Variants in CUBN observed in about 807,000 individuals in gnomAD.
The protein encoded by CUBN is cubilin.
A neutral mutation model predicts 405.3 loss-of-function variants in CUBN; 282 were observed. The observed-to-expected ratio is 0.70, with a 90% CI of 0.63 to 0.77. CUBN has a LOEUF of 0.77. Among genes scored for constraint, CUBN ranks in the 30% least tolerant of loss-of-function variants. The pLI, the probability that CUBN is intolerant of heterozygous loss-of-function variation, is 0.00. For synonymous variants in CUBN, 1,684 were observed against 1,617.0 expected (o/e 1.04, Z -0.99); for missense variants, 4,514 against 4,475.2 (o/e 1.01, Z -0.25).
intron 14 of CUBN, among the ~76,000 whole-genome samples, chr10:17,092,125 G>A (rs1181016185): frequency 1.3e-5 from 2 of 152,156 alleles, no homozygotes; most frequent in African/African-American, 4.8e-5. Flanking sequence ...GAAACAGACT[G>A]TAGCACCAAC....
intron 43 of CUBN, among the ~76,000 whole-genome samples, chr10:16,924,118 G>T (rs1842116171): frequency 6.6e-6 from 1 of 152,062 alleles, no homozygotes; most frequent in Non-Finnish European, 1.5e-5. Flanking sequence ...CAAAAGAGTA[G>T]AGTTATGTAG....
At position 16,900,803 on chromosome 10, in the gene CUBN, C is replaced by T; in HGVS notation, c.8232G>A (p.Trp2744Ter). 6.2e-7 allele frequency: 1 copy of T among 1,613,980 alleles called. No homozygotes were observed. Among genetic ancestry groups the T allele is most frequent in the Non-Finnish European group, 8.5e-7 (1 of 1,179,988 alleles). The part of the protein sequence containing the change: ...FDIEPHTTCA[W>*]DSVTVRNGGS... ...CACCATTCCTGACAGTGACAGAGTC[C>T]CAAGCACAAGTTGTATGGGGTTCAA... The change falls in exon 53 of 67, where the codon TGG becomes TGA. Residue 2744 changes from tryptophan to a stop codon, truncating the protein, a stop_gained. Coordinates refer to ENST00000377833, the MANE Select transcript of CUBN (RefSeq NM_001081.4). LOFTEE classifies it high-confidence loss of function.
At chr10:17,075,085 T>C (rs1230049320) in intron 17 of CUBN, among the ~76,000 whole-genome samples, 1 of 135,056 alleles carries the variant, frequency 7.4e-6, no homozygotes, top group Non-Finnish European at 1.6e-5. Flanking sequence ...TTTTTTTTTT[T>C]TTTTTTTTTT....
At chr10:16,990,275 T>C (rs184488773) in intron 29 of CUBN, 59 bp downstream of exon 29, 1,078 of 1,497,782 alleles carry the variant, frequency 7.2e-4, no homozygotes, top group Non-Finnish European at 9.3e-4. Flanking sequence ...CTTGGCAGAG[T>C]GATTTCCTGT....
At chr10:16,832,411 T>C (rs2131305730) in intron 64 of CUBN, among the ~76,000 whole-genome samples, 1 of 152,214 alleles carries the variant, frequency 6.6e-6, no homozygotes, top group South Asian at 2.1e-4. Flanking sequence ...GTGAGATTCC[T>C]TTTAGGTCGA....
At chr10:16,934,851 T>C (rs1842456266) in intron 39 of CUBN, among the ~76,000 whole-genome samples, 1 of 152,142 alleles carries the variant, frequency 6.6e-6, no homozygotes, top group Non-Finnish European at 1.5e-5. Flanking sequence ...AAGTGATGGA[T>C]GATGAGAGGC....
At chr10:17,122,593 G>T in intron 6 of CUBN, 1 of 627,460 alleles carries the variant, frequency 1.6e-6, no homozygotes, top group Non-Finnish European at 3.0e-6. Context: ...TTTCTTCACG[G>T]GGTGAGAGTA....
At chr10:16,891,871 A>C (rs1841019437) in intron 54 of CUBN, among the ~76,000 whole-genome samples, 1 of 152,148 alleles carries the variant, frequency 6.6e-6, no homozygotes, top group Non-Finnish European at 1.5e-5. Flanking sequence ...GGTAGGGGCC[A>C]GGACTATTGC....
chr10:16,853,613 C>T (rs1839782705), intron 59 of CUBN, among the ~76,000 whole-genome samples: 1 of 152,200 alleles, frequency 6.6e-6, no homozygotes, highest in Non-Finnish European at 1.5e-5. Context: ...TCAGACATTT[C>T]CCAAAGTTGA....
In CUBN at chr10:16,841,045, T is replaced by A. The variant is rs372599172; in HGVS notation, c.9666A>T (p.Leu3222Phe). ...RQRCLYDYVK[L>F]YDGDSENANL... ...TCGCATTTTCACTATCCCCATCATA[T>A]AACTGAGAAGAAAAACAATTCATTA... Residue 3222 changes from leucine (L) to phenylalanine (F), a missense_variant and splice_region_variant, in exon 61 of 67, where the codon TTA becomes TTT. Leu to Phe is a conservative substitution (Grantham distance 22). Around this residue, in one of 5 missense-constraint regions of CUBN, gnomAD observed 1,186 missense variants for 1,186.9 expected, o/e 1.00. Coordinates refer to ENST00000377833, the MANE Select transcript of CUBN (RefSeq NM_001081.4). 6.2e-7 allele frequency: 1 copy of A among 1,613,946 alleles called. No individual in the cohort carries two copies. The highest frequency in any genetic ancestry group is 1.1e-5 in the South Asian group (1 of 91,064).
intron 58 of CUBN, among the ~76,000 whole-genome samples, chr10:16,871,019 GTTC>G (rs1413339890): frequency 6.6e-6 from 1 of 150,528 alleles, no homozygotes; most frequent in Non-Finnish European, 1.5e-5. Context: ...ATTTTTATAG[GTTC>G]TTCTGCTTTT....
At chr10:17,054,907 C>G (rs1835356485) in intron 22 of CUBN, among the ~76,000 whole-genome samples, 1 of 151,952 alleles carries the variant, frequency 6.6e-6, no homozygotes, top group Non-Finnish European at 1.5e-5. Context: ...ATTCCACAAA[C>G]TCAGAAAATA....
intron 43 of CUBN, among the ~76,000 whole-genome samples, chr10:16,921,436 G>C (rs1223272594): frequency 6.6e-6 from 1 of 152,008 alleles, no homozygotes; most frequent in Non-Finnish European, 1.5e-5. Flanking sequence ...CTATCTGTCT[G>C]TCTGTCTCTC....
rs554011072 is a variant in CUBN at position 16,967,749 on chromosome 10, G to A, written c.4696-13201C>T. 2.7e-5 allele frequency among the ~76,000 whole-genome samples: 4 copies of A among 150,786 alleles called. No homozygotes were observed. The East Asian group carries it at 7.8e-4, about 30-fold the overall frequency. ...AGAGGGAGAGAGAGGAACAAAGAAA[G>A]GGAAAGATAAGAAGAGAAGGAGGGA... On this transcript the variant is annotated intron_variant, in intron 31 of 66. Coordinates refer to ENST00000377833, the MANE Select transcript of CUBN (RefSeq NM_001081.4).
At chr10:17,124,262 C>T (rs1056452230) in intron 4 of CUBN, among the ~76,000 whole-genome samples, 1 of 152,176 alleles carries the variant, frequency 6.6e-6, no homozygotes, top group African/African-American at 2.4e-5. Flanking sequence ...TGACTGCTTT[C>T]AGCCCAGATC....
chr10:16,922,942 C>T (rs538668251), intron 43 of CUBN, among the ~76,000 whole-genome samples: 10 of 151,742 alleles, frequency 6.6e-5, no homozygotes, highest in South Asian at 2.1e-4. Flanking sequence ...CTCAACTTCC[C>T]GGGCTCAAGT....
chr10:16,828,456 G>A (rs1267546951), intron 66 of CUBN, among the ~76,000 whole-genome samples: 1 of 152,172 alleles, frequency 6.6e-6, no homozygotes, highest in Non-Finnish European at 1.5e-5. Context: ...AGTGGCTCAC[G>A]CGTGTAATCC....
chr10:16,828,942 C>T lies in CUBN; in HGVS notation c.10627G>A (p.Ala3543Thr). ...NNTYCEWVLV[A>T]PAGRLVTINF... ...ATGGTGACAAGCCTTCCAGCAGGAG[C>T]AACAAGGACCCACTCGCAGTACGTG... The change falls in exon 66 of 67, where the codon GCT becomes ACT. Residue 3543 changes from alanine (A) to threonine (T), a missense_variant. Ala to Thr is a moderately conservative substitution (Grantham distance 58). Coordinates refer to ENST00000377833, the MANE Select transcript of CUBN (RefSeq NM_001081.4). The T allele has an allele frequency of 5.6e-6, 9 of 1,614,096 alleles. No individual in the cohort carries two copies. Among genetic ancestry groups the T allele is most frequent in the Non-Finnish European group, 7.6e-6 (9 of 1,180,026 alleles).
intron 28 of CUBN, among the ~76,000 whole-genome samples, chr10:17,010,767 T>A (rs1403057672): frequency 6.6e-6 from 1 of 152,248 alleles, no homozygotes; most frequent in African/African-American, 2.4e-5. Flanking sequence ...AAGCTGCAAG[T>A]AGCTCTGTGG....
Sources: allele counts gnomAD v4.1 joint callset (sites outside exome capture counted in the v4.1 genomes callset), GRCh38; gene constraint gnomAD v4.1.1; regional missense constraint gnomAD v4.1.1; transcripts MANE v1.5; gene names NCBI Gene and HGNC (gene_info 2026-07-23, HGNC 2026-07-21).